Variants in SNX29 observed in about 807,000 individuals in gnomAD.
The protein encoded by SNX29 is sorting nexin 29.
Under a neutral mutation model 102.1 loss-of-function variants are expected in SNX29, and 78 were observed. The observed-to-expected ratio is 0.76, with a 90% CI of 0.64 to 0.92. The LOEUF (loss-of-function observed/expected upper bound fraction) is 0.92. Ranked by LOEUF, SNX29 falls within the 40% of genes least tolerant of loss-of-function variation. SNX29 has a pLI of 0.00. For synonymous variants in SNX29, 580 were observed against 414.5 expected, an observed-to-expected ratio of 1.40 and a Z score of -4.85; for missense variants, 1,280 against 1,061.7, an observed-to-expected ratio of 1.21 and a Z score of -2.86.
At chr16:12,418,897 C>T (rs186596882) in intron 18 of SNX29, among the ~76,000 whole-genome samples, 83 of 152,250 alleles carry the variant, frequency 5.5e-4, no homozygotes, top group African/African-American at 1.3e-3. Context: ...GTCCCCTTCT[C>T]CATGAAGCTT....
intron 15 of SNX29, among the ~76,000 whole-genome samples, chr16:12,349,904 A>G (rs745821483): frequency 1.3e-5 from 2 of 152,214 alleles, no homozygotes; most frequent in African/African-American, 4.8e-5. Context: ...AAAACTTTCA[A>G]TTCATTGCAG....
intron 11 of SNX29, among the ~76,000 whole-genome samples, chr16:12,112,783 C>T (rs78830714): frequency 0.19 from 29,569 of 152,186 alleles, 3,313 homozygotes; most frequent in Middle Eastern, 0.27. Context: ...TCCTCAATAG[C>T]CTACTGTCCT....
At chr16:12,446,597 G>A (rs1003609848) in intron 18 of SNX29, among the ~76,000 whole-genome samples, 17 of 152,254 alleles carry the variant, frequency 1.1e-4, no homozygotes, top group East Asian at 7.7e-4. Context: ...AGCCAGTATC[G>A]ATGTTTTAGT....
At chr16:12,516,860 A>T (rs941656320) in intron 19 of SNX29, among the ~76,000 whole-genome samples, 1 of 152,198 alleles carries the variant, frequency 6.6e-6, no homozygotes, top group Admixed American at 6.5e-5. Flanking sequence ...TCAGGGAAAT[A>T]CAGGGGGCGG....
intron 20 of SNX29, among the ~76,000 whole-genome samples, chr16:12,565,730 G>C (rs2078974693): frequency 6.6e-6 from 1 of 152,162 alleles, no homozygotes; most frequent in South Asian, 2.1e-4. Flanking sequence ...CCGGCTACAA[G>C]TCCACCCCCT....
chr16:12,150,600 T>C (rs895514507), intron 13 of SNX29, among the ~76,000 whole-genome samples: 3 of 152,212 alleles, frequency 2.0e-5, no homozygotes, highest in African/African-American at 4.8e-5. Context: ...TGGCAGGTAA[T>C]TGTGACCAGG....
intron 13 of SNX29, among the ~76,000 whole-genome samples, chr16:12,132,233 G>T (rs2054496468): frequency 6.6e-6 from 1 of 151,848 alleles, no homozygotes; most frequent in African/African-American, 2.4e-5. Context: ...CAAGTAGCTG[G>T]TATTACAGGT....
intron 16 of SNX29, among the ~76,000 whole-genome samples, chr16:12,359,118 G>A (rs945650717): frequency 1.2e-4 from 18 of 152,248 alleles, no homozygotes; most frequent in Middle Eastern, 3.4e-3. Flanking sequence ...AGTGAGGGGC[G>A]GTCTTGTGGG....
chr16:12,543,417 G>T (rs925150999), intron 20 of SNX29, among the ~76,000 whole-genome samples: 4 of 152,188 alleles, frequency 2.6e-5, no homozygotes, highest in African/African-American at 9.7e-5. Flanking sequence ...TCACTGAAAG[G>T]AGAGAAAGTG....
chr16:12,350,284 T>G (rs574299486), intron 15 of SNX29, among the ~76,000 whole-genome samples: 1 of 152,118 alleles, frequency 6.6e-6, no homozygotes, highest in African/African-American at 2.4e-5. Flanking sequence ...TGTACAGACT[T>G]TTTTCCTTCT....
At chr16:12,274,045 T>A (rs55926565) in intron 14 of SNX29, among the ~76,000 whole-genome samples, 5,241 of 152,308 alleles carry the variant, frequency 0.034, 156 homozygotes, top group Non-Finnish European at 0.059. Flanking sequence ...GGCTCCCTTT[T>A]GTGTTGCATC....
At chr16:12,279,448 T>A (rs1423086022) in intron 15 of SNX29, among the ~76,000 whole-genome samples, 1 of 152,076 alleles carries the variant, frequency 6.6e-6, no homozygotes, top group African/African-American at 2.4e-5. Context: ...TGGGGATGAG[T>A]CAAAAGCCAG....
At position 12,344,866 on chromosome 16, in the gene SNX29, C is replaced by A. The variant is rs138454825; in HGVS notation, c.1783-11297C>A. Among the ~76,000 whole-genome samples the A allele has an allele frequency of 2.2e-3, 341 of 152,344 alleles. 2 individuals carry two copies. Among genetic ancestry groups the A allele is most frequent in the Non-Finnish European group, 3.3e-3 (222 of 68,036 alleles). Reference sequence around the variant, plus strand: ...CGTCCTCTGCAAGCCAGCCTGTAACCACTGTGCTTTTGAAAGGAGAGGCCA... The same window carrying A: ...CGTCCTCTGCAAGCCAGCCTGTAACAACTGTGCTTTTGAAAGGAGAGGCCA... On this transcript the variant is annotated intron_variant, in intron 15 of 20. Transcript: ENST00000566228.
intron 20 of SNX29, 128 bp from the exon 21 acceptor site, chr16:12,568,378 A>G: frequency 1.6e-6 from 2 of 1,242,500 alleles, no homozygotes; most frequent in Non-Finnish European, 2.2e-6. Context: ...AGTTAGAGGC[A>G]GATCCAATGA....
At chr16:12,562,409 A>C (rs142945420) in intron 20 of SNX29, among the ~76,000 whole-genome samples, 55 of 152,228 alleles carry the variant, frequency 3.6e-4, no homozygotes, top group African/African-American at 1.3e-3. Context: ...CATACCATAC[A>C]ATTTACCCAC....
chr16:12,556,053 G>A (rs995926529), intron 20 of SNX29, among the ~76,000 whole-genome samples: 8 of 151,648 alleles, frequency 5.3e-5, no homozygotes, highest in African/African-American at 1.9e-4. Context: ...GACGCTTAAA[G>A]GGTGCTTTTC....
intron 14 of SNX29, among the ~76,000 whole-genome samples, chr16:12,264,354 C>G (rs2078864027): frequency 6.6e-6 from 1 of 152,262 alleles, no homozygotes; most frequent in African/African-American, 2.4e-5. Context: ...GCAGGCTGCA[C>G]AGTAATTTCC....
intron 20 of SNX29, among the ~76,000 whole-genome samples, chr16:12,550,113 GATGTACACTCAC>G (rs2077875794): frequency 6.6e-6 from 1 of 152,204 alleles, no homozygotes; most frequent in African/African-American, 2.4e-5. Flanking sequence ...TACTGAGGCT[GATGTACACTCAC>G]ATGTAAAGGG....
At chr16:12,081,087 G>A (rs939708739) in intron 11 of SNX29, 1 of 152,184 alleles carries the variant, frequency 6.6e-6, no homozygotes, top group Non-Finnish European at 1.5e-5. Flanking sequence ...ATGAGTTAAC[G>A]AAACCAGCAG....
Sources: gnomAD v4.1 joint callset for allele counts (sites outside exome capture counted in the v4.1 genomes callset) on GRCh38, gnomAD v4.1.1 for gene constraint, MANE v1.5 for transcripts, NCBI Gene and HGNC (gene_info 2026-07-23, HGNC 2026-07-21) for gene names.